The following GPR19 variants were observed in gnomAD, a reference collection of about 807,000 sequenced individuals.
The protein encoded by GPR19 is probable G protein-coupled receptor 19.
Under a neutral mutation model 28.5 loss-of-function variants are expected in GPR19, and 14 were observed. The ratio of observed to expected loss-of-function variants is 0.49; its 90% CI spans 0.32 to 0.77. The LOEUF is 0.77. GPR19 is among the 30% of genes least tolerant of loss of function. The probability of loss-of-function intolerance (pLI) is 0.03; values close to 1 mark genes in which losing one functional copy is unlikely to be tolerated. For synonymous variants in GPR19, 173 were observed against 184.1 expected, an observed-to-expected ratio of 0.94 and a Z score of 0.49; for missense variants, 409 against 504.1, an observed-to-expected ratio of 0.81 and a Z score of 1.81.
the GPR19 span, chr12:12,717,025 GC>G: frequency 2.0e-5 from 20 of 1,002,134 alleles, no homozygotes; most frequent in Middle Eastern, 4.9e-4. Context: ...GGAGGTCGGG[GC>G]TTAGGCGCCG....
the GPR19 span, among the ~76,000 whole-genome samples, chr12:12,714,685 T>A: frequency 2.6e-5 from 4 of 152,174 alleles, no homozygotes; most frequent in African/African-American, 7.2e-5. Context: ...TATCTGAAAA[T>A]TTTCCCCCTG....
At chr12:12,664,721 C>T (rs981340287) in intron 3 of GPR19, among the ~76,000 whole-genome samples, 1 of 151,884 alleles carries the variant, frequency 6.6e-6, no homozygotes, top group African/African-American at 2.4e-5. Flanking sequence ...GAGATCGAGA[C>T]TATCCTGGCT....
intron 3 of GPR19, among the ~76,000 whole-genome samples, chr12:12,674,787 A>G (rs1182564245): frequency 6.6e-6 from 1 of 152,218 alleles, no homozygotes; most frequent in Non-Finnish European, 1.5e-5. Context: ...TAATAATTAG[A>G]TATACAATGG....
chr12:12,682,833 C>T (rs1184664916), intron 3 of GPR19, among the ~76,000 whole-genome samples: 1 of 152,166 alleles, frequency 6.6e-6, no homozygotes, highest in Non-Finnish European at 1.5e-5. Context: ...CTTTATACCT[C>T]AGAAATTTCT....
chr12:12,675,882 G>A (rs979485331), intron 3 of GPR19, among the ~76,000 whole-genome samples: 21 of 152,182 alleles, frequency 1.4e-4, no homozygotes, highest in African/African-American at 5.1e-4. Flanking sequence ...AGCCCTGGGA[G>A]ACTCTAAGCA....
the GPR19 span, chr12:12,715,860 A>G: frequency 6.6e-6 from 1 of 152,244 alleles, no homozygotes; most frequent in African/African-American, 2.4e-5. Flanking sequence ...TCCAGCTGTC[A>G]CATTCTGGAG....
the GPR19 span, chr12:12,716,979 G>A: frequency 3.0e-6 from 3 of 992,578 alleles, no homozygotes; most frequent in African/African-American, 5.2e-5. Context: ...GCGGTCCTCT[G>A]GTCCAGGTCC....
the GPR19 span, among the ~76,000 whole-genome samples, chr12:12,716,284 T>C: frequency 9.2e-5 from 14 of 152,366 alleles, no homozygotes; most frequent in Non-Finnish European, 2.1e-4. Flanking sequence ...GGGAGTATTT[T>C]CACCCTTCAG....
intron 2 of GPR19, chr12:12,685,205 C>T (rs1467437846): frequency 6.6e-6 from 1 of 151,896 alleles, no homozygotes; most frequent in East Asian, 1.9e-4. Context: ...CCCAAAAGAC[C>T]ATCCCATACC....
At chr12:12,714,583 G>T in the GPR19 span, among the ~76,000 whole-genome samples, 1 of 152,314 alleles carries the variant, frequency 6.6e-6, no homozygotes, top group Non-Finnish European at 1.5e-5. Context: ...AAAACATCAC[G>T]CAGGACTGGG....
intron 3 of GPR19, among the ~76,000 whole-genome samples, chr12:12,665,653 A>C (rs1489083551): frequency 6.6e-6 from 1 of 151,922 alleles, no homozygotes; most frequent in East Asian, 1.9e-4. Flanking sequence ...CCTGGCTAAC[A>C]CAGTGAAACT....
chr12:12,664,098 T>C (rs573707201), intron 3 of GPR19, among the ~76,000 whole-genome samples: 1 of 152,306 alleles, frequency 6.6e-6, no homozygotes, highest in East Asian at 1.9e-4. Flanking sequence ...GGTTCAATTC[T>C]TGTGTCTCAG....
At chr12:12,686,543 T>C (rs989920612) in intron 2 of GPR19, among the ~76,000 whole-genome samples, 1 of 152,190 alleles carries the variant, frequency 6.6e-6, no homozygotes, top group African/African-American at 2.4e-5. Context: ...ATACATTATG[T>C]CATTTAATCC....
the GPR19 span, among the ~76,000 whole-genome samples, chr12:12,715,621 G>A: frequency 6.6e-6 from 1 of 152,222 alleles, no homozygotes; most frequent in Admixed American, 6.5e-5. Context: ...TAAGACAGCA[G>A]GACCTGCAGA....
chr12:12,682,161 A>AG (rs1195131062), intron 3 of GPR19, among the ~76,000 whole-genome samples: 1 of 152,226 alleles, frequency 6.6e-6, no homozygotes, highest in East Asian at 1.9e-4. Flanking sequence ...TAAGACTGTT[A>AG]GGGGTGCTTC....
In GPR19 at chr12:12,689,227, A is replaced by G. The variant is rs143520888; in HGVS notation, c.-179-4720T>C. ...CACCAAGACATGAGGGATCTGTCCC[A>G]CGACCCAAACACCTCCCACCAGGCC... On this transcript the variant is annotated intron_variant, in intron 2 of 3. Coordinates refer to ENST00000651487, the MANE Select transcript of GPR19 (RefSeq NM_006143.3). Among the ~76,000 whole-genome samples the G allele has an allele frequency of 2.2e-4, 33 of 152,296 alleles. No homozygotes were observed. The East Asian group carries it at 5.8e-3, about 27-fold the overall frequency.
the GPR19 span, among the ~76,000 whole-genome samples, chr12:12,712,479 G>A: frequency 6.6e-6 from 1 of 152,120 alleles, no homozygotes; most frequent in East Asian, 1.9e-4. Flanking sequence ...AGATTTTTTA[G>A]CATGCCATCC....
At chr12:12,715,020 A>G in the GPR19 span, 1 of 152,220 alleles carries the variant, frequency 6.6e-6, no homozygotes, top group African/African-American at 2.4e-5. Context: ...TGAAAGATTC[A>G]GCATGTGAAG....
At chr12:12,667,696 GA>G (rs3080708) in intron 3 of GPR19, among the ~76,000 whole-genome samples, 16,073 of 121,902 alleles carry the variant, frequency 0.13, 2,090 homozygotes, top group African/African-American at 0.37. Flanking sequence ...ATCTCAATTA[GA>G]AAAAAAAAAA....
Sources: gnomAD v4.1 joint callset for allele counts (sites outside exome capture counted in the v4.1 genomes callset) on GRCh38, gnomAD v4.1.1 for gene constraint, MANE v1.5 for transcripts, NCBI Gene and HGNC (gene_info 2026-07-23, HGNC 2026-07-21) for gene names.